The following ZBTB20 variants were observed in gnomAD, a reference collection of about 807,000 sequenced individuals.
ZBTB20 encodes the protein zinc finger and BTB domain containing 20.
ZBTB20 carries 9 observed loss-of-function variants against 56.9 expected under a neutral mutation model. The ratio of observed to expected loss-of-function variants is 0.16; its 90% CI spans 0.10 to 0.28. ZBTB20 has a LOEUF of 0.28. Ranked by LOEUF, ZBTB20 falls within the 10% of genes least tolerant of loss-of-function variation. The pLI, the probability that ZBTB20 is intolerant of heterozygous loss-of-function variation, is 1.00. For synonymous variants in ZBTB20, 417 were observed against 420.7 expected (o/e 0.99, Z 0.11); for missense variants, 655 against 1,003.0 (o/e 0.65, Z 4.69).
chr3:115,063,686 C>CAA lies in ZBTB20; in HGVS notation c.-507+7532_-507+7533insTT, dbSNP rs1468710795. Among the ~76,000 whole-genome samples, 338 of 150,036 alleles carry CAA rather than the reference C, an allele frequency of 2.3e-3. 2 individuals carry two copies. Among genetic ancestry groups the CAA allele is most frequent in the African/African-American group, 8.2e-3 (331 of 40,394 alleles). ...ACACACACACACACACACACACAAA[C>CAA]ACACACACACAGTTTACCAGTTAAA... On this transcript the variant is annotated intron_variant, in intron 2 of 11. Coordinates refer to ENST00000675478, the MANE Select transcript of ZBTB20 (RefSeq NM_001348800.3).
chr3:115,031,011 A>C (rs928449049), intron 2 of ZBTB20, among the ~76,000 whole-genome samples: 2 of 151,406 alleles, frequency 1.3e-5, no homozygotes, highest in Non-Finnish European at 3.0e-5. Flanking sequence ...TTCTGTTTTT[A>C]TTTACATACA....
intron 7 of ZBTB20, among the ~76,000 whole-genome samples, chr3:114,451,745 G>A (rs1267501506): frequency 6.6e-6 from 1 of 152,150 alleles, no homozygotes; most frequent in African/African-American, 2.4e-5. Flanking sequence ...TGCAGGACAC[G>A]TCGCCAAGAA....
chr3:115,013,222 T>C (rs1404311319), intron 2 of ZBTB20, among the ~76,000 whole-genome samples: 8 of 151,024 alleles, frequency 5.3e-5, no homozygotes, highest in Admixed American at 6.6e-5. Context: ...AGATTAGAGA[T>C]AAATGAGTAG....
intron 6 of ZBTB20, among the ~76,000 whole-genome samples, chr3:114,645,023 A>G (rs1028846544): frequency 3.3e-5 from 5 of 152,056 alleles, no homozygotes; most frequent in South Asian, 2.1e-4. Flanking sequence ...TAAATCATAT[A>G]CATTTATTAT....
At position 115,043,483 on chromosome 3, in the gene ZBTB20, C is replaced by T. The variant is rs1003101227; in HGVS notation, c.-507+27736G>A. ...ACTCGGGAGGCTGAGGCAAGAGACT[C>T]GCTTGAAACCAGGAGGCAGAGGTTG... On this transcript the variant is annotated intron_variant, in intron 2 of 11. Coordinates refer to ENST00000675478, the MANE Select transcript of ZBTB20 (RefSeq NM_001348800.3). 4.2e-4 allele frequency among the ~76,000 whole-genome samples: 63 copies of T among 151,488 alleles called. 1 individual carries two copies. The highest frequency in any genetic ancestry group is 1.4e-3 in the African/African-American group (59 of 41,278).
chr3:114,446,397 T>G (rs1460395046), intron 7 of ZBTB20, among the ~76,000 whole-genome samples: 1 of 152,156 alleles, frequency 6.6e-6, no homozygotes, highest in Non-Finnish European at 1.5e-5. Context: ...GGTTTGGAAT[T>G]GATTCTGAGT....
At chr3:114,956,533 T>A (rs1287574555) in intron 3 of ZBTB20, among the ~76,000 whole-genome samples, 1 of 152,190 alleles carries the variant, frequency 6.6e-6, no homozygotes. Flanking sequence ...AATCATAGAT[T>A]AGATTTAATT....
rs1047815958 is a variant in ZBTB20, at chr3:114,915,723, C to T, written c.-455-15381G>A. ...ACTTTCTTGATGTAGGCACTTGTCA[C>T]TACAAATTTCCCTCTTAGTTTTGAT... On this transcript the variant is annotated intron_variant, in intron 3 of 11. Transcript: ENST00000675478. 2.0e-4 allele frequency among the ~76,000 whole-genome samples: 31 copies of T among 151,842 alleles called. 1 individual carries two copies. The highest frequency in any genetic ancestry group is 9.2e-4 in the Admixed American group (14 of 15,240).
chr3:114,873,451 C>T (rs2076080378), intron 4 of ZBTB20, among the ~76,000 whole-genome samples: 1 of 152,020 alleles, frequency 6.6e-6, no homozygotes, highest in African/African-American at 2.4e-5. Flanking sequence ...TGATTTTCTC[C>T]TTTAAACATC....
At chr3:114,653,517 T>C (rs184030927) in intron 6 of ZBTB20, among the ~76,000 whole-genome samples, 10 of 151,980 alleles carry the variant, frequency 6.6e-5, no homozygotes, top group African/African-American at 2.4e-4. Context: ...TGTTGAAGTT[T>C]GTTTGCTAAT....
chr3:115,074,020 C>A (rs952004347), intron 1 of ZBTB20, among the ~76,000 whole-genome samples: 1 of 152,062 alleles, frequency 6.6e-6, no homozygotes, highest in African/African-American at 2.4e-5. Flanking sequence ...TTCAGCAATG[C>A]CCATCCAATC....
intron 4 of ZBTB20, among the ~76,000 whole-genome samples, chr3:114,870,207 T>C (rs761757983): frequency 2.0e-5 from 3 of 152,116 alleles, no homozygotes; most frequent in East Asian, 1.9e-4. Flanking sequence ...ATTGGCTACC[T>C]AATCCCCAAA....
intron 4 of ZBTB20, among the ~76,000 whole-genome samples, chr3:114,869,362 T>G (rs2075896729): frequency 6.6e-6 from 1 of 152,146 alleles, no homozygotes; most frequent in African/African-American, 2.4e-5. Flanking sequence ...TCACATCATA[T>G]TTTCCCTTGA....
In ZBTB20 at chr3:114,333,606, G is replaced by A. The variant is rs1352926110; in HGVS notation, c.*5399C>T. 1 of 152,152 alleles carries A rather than the reference G, an allele frequency of 6.6e-6. No individual in the cohort carries two copies. Among genetic ancestry groups the A allele is most frequent in the Non-Finnish European group, 1.5e-5 (1 of 68,032 alleles). 9.4% of individuals were successfully genotyped at this position (152,152 alleles called of 1,614,324 possible). A position where few individuals can be genotyped will look rare whatever the true frequency, so the allele number is the denominator to read the frequency against. On this transcript the variant is annotated 3_prime_UTR_variant, in exon 12 of 12. Coordinates refer to ENST00000675478, the MANE Select transcript of ZBTB20 (RefSeq NM_001348800.3). ...AATTAGGGAGCCTATTGAAATTCTA[G>A]TGCACCCCTCCTTTTGTTTGTCACC...
rs557491138 is a variant in ZBTB20 at position 114,886,209 on chromosome 3, T to C, written c.-417+14095A>G. On this transcript the variant is annotated intron_variant, in intron 4 of 11. Coordinates refer to ENST00000675478, the MANE Select transcript of ZBTB20 (RefSeq NM_001348800.3). Reference sequence around the variant, plus strand: ...CTGAGTTGAGCAGAGCTGAGTTTAGTCCTGTGTCAGCCATTTACTAGCTAT... The same window carrying C: ...CTGAGTTGAGCAGAGCTGAGTTTAGCCCTGTGTCAGCCATTTACTAGCTAT... Among the ~76,000 whole-genome samples the C allele has an allele frequency of 2.6e-5, 4 of 152,310 alleles. No homozygotes were observed. The South Asian group carries it at 8.3e-4, about 32-fold the overall frequency.
At chr3:115,083,722 T>C (rs1576738714) in intron 1 of ZBTB20, among the ~76,000 whole-genome samples, 1 of 151,968 alleles carries the variant, frequency 6.6e-6, no homozygotes, top group East Asian at 1.9e-4. Context: ...GCCTATAGCA[T>C]AGGGGTCAAT....
intron 6 of ZBTB20, among the ~76,000 whole-genome samples, chr3:114,620,248 A>C (rs1212247079): frequency 6.6e-6 from 1 of 152,144 alleles, no homozygotes; most frequent in Admixed American, 6.5e-5. Flanking sequence ...CAGATATAGA[A>C]GACTCTGCCA....
At chr3:115,116,098 T>C (rs901848246) in intron 1 of ZBTB20, among the ~76,000 whole-genome samples, 2 of 152,070 alleles carry the variant, frequency 1.3e-5, no homozygotes, top group East Asian at 1.9e-4. Flanking sequence ...TTGTCTGTTT[T>C]GTAAGAGTTA....
At chr3:114,695,528 C>G (rs2062955651) in intron 5 of ZBTB20, among the ~76,000 whole-genome samples, 1 of 151,876 alleles carries the variant, frequency 6.6e-6, no homozygotes, top group South Asian at 2.1e-4. Flanking sequence ...AGTTCAAAGA[C>G]TTTTCCTCTG....
Sources: gnomAD v4.1 joint callset for allele counts (sites outside exome capture counted in the v4.1 genomes callset) on GRCh38, gnomAD v4.1.1 for gene constraint, MANE v1.5 for transcripts, NCBI Gene and HGNC (gene_info 2026-07-23, HGNC 2026-07-21) for gene names.